The following DLGAP1 variants were observed in gnomAD, a reference collection of about 807,000 sequenced individuals.
DLGAP1 encodes the protein DLG associated protein 1, also known as disks large-associated protein 1.
In DLGAP1, 11 loss-of-function variants were observed where a neutral mutation model predicts 90.8. That is an observed-to-expected ratio of 0.12 (90% CI 0.08 to 0.20). The LOEUF is 0.20. DLGAP1 is among the 10% of genes least tolerant of loss of function. DLGAP1 has a pLI of 1.00. For synonymous variants in DLGAP1, 558 were observed against 540.7 expected (o/e 1.03, Z -0.44); for missense variants, 1,050 against 1,333.8 (o/e 0.79, Z 3.31).
chr18:4,265,675 TCC>T (rs2079113873), intron 1 of DLGAP1, among the ~76,000 whole-genome samples: 3 of 77,806 alleles, frequency 3.9e-5, no homozygotes, highest in Non-Finnish European at 6.3e-5. Context: ...CTTCCTTCCT[TCC>T]TTCCTTCCTT....
intron 5 of DLGAP1, among the ~76,000 whole-genome samples, chr18:3,747,424 C>T (rs543495925): frequency 2.6e-5 from 4 of 152,264 alleles, no homozygotes; most frequent in South Asian, 2.1e-4. Context: ...AAAAGAGAAT[C>T]GTAGCTGGAA....
intron 1 of DLGAP1, among the ~76,000 whole-genome samples, chr18:4,448,763 A>C (rs778453118): frequency 6.6e-6 from 1 of 152,132 alleles, no homozygotes; most frequent in African/African-American, 2.4e-5. Context: ...TAGTATAAAA[A>C]ATTCATGAAA....
intron 1 of DLGAP1, among the ~76,000 whole-genome samples, chr18:4,280,188 G>A (rs1449459011): frequency 2.0e-5 from 3 of 152,206 alleles, no homozygotes; most frequent in Non-Finnish European, 2.9e-5. Context: ...ATGTAAGCAT[G>A]TATAGTCCTG....
chr18:3,560,413 C>T (rs1248664053), intron 9 of DLGAP1, among the ~76,000 whole-genome samples: 54 of 67,264 alleles, frequency 8.0e-4, no homozygotes, highest in South Asian at 1.4e-3. Context: ...AGCGAGACTC[C>T]GTCTCAAAAA....
chr18:3,937,703 G>A (rs1273589754), intron 3 of DLGAP1, among the ~76,000 whole-genome samples: 3 of 152,166 alleles, frequency 2.0e-5, no homozygotes, highest in Non-Finnish European at 4.4e-5. Context: ...CAAAATTTAT[G>A]TAATAAAGCT....
intron 1 of DLGAP1, among the ~76,000 whole-genome samples, chr18:4,418,347 C>G (rs989499035): frequency 6.6e-6 from 1 of 152,078 alleles, no homozygotes; most frequent in Non-Finnish European, 1.5e-5. Flanking sequence ...CAACACACTC[C>G]CAACAGACAA....
At chr18:3,741,205 C>CCAT (rs2062989461) in intron 6 of DLGAP1, among the ~76,000 whole-genome samples, 1 of 114,060 alleles carries the variant, frequency 8.8e-6, no homozygotes, top group African/African-American at 3.5e-5. Context: ...CACCAAATCA[C>CCAT]CACCACCACC....
chr18:4,307,709 CTTTTTTTTT>C (rs34193366), intron 1 of DLGAP1, among the ~76,000 whole-genome samples: 3 of 107,210 alleles, frequency 2.8e-5, no homozygotes, highest in African/African-American at 1.0e-4. Flanking sequence ...TGAGGGTTTA[CTTTTTTTTT>C]TTTTTTTTTT....
intron 1 of DLGAP1, among the ~76,000 whole-genome samples, chr18:4,301,953 A>T (rs2080136382): frequency 6.6e-6 from 1 of 152,100 alleles, no homozygotes; most frequent in Admixed American, 6.5e-5. Context: ...AGAAATGTCT[A>T]TTCAGGTCCC....
intron 1 of DLGAP1, among the ~76,000 whole-genome samples, chr18:4,268,001 C>A (rs2079169095): frequency 6.6e-6 from 1 of 152,148 alleles, no homozygotes; most frequent in Admixed American, 6.5e-5. Context: ...AAATTCCGGA[C>A]AAGATCACAC....
chr18:4,080,813 T>C (rs947933289), intron 2 of DLGAP1, among the ~76,000 whole-genome samples: 2 of 152,140 alleles, frequency 1.3e-5, no homozygotes, highest in African/African-American at 4.8e-5. Flanking sequence ...CAAGGTGATA[T>C]ATAAGCTTCT....
intron 2 of DLGAP1, among the ~76,000 whole-genome samples, chr18:4,133,547 AG>A (rs1305914801): frequency 6.6e-6 from 1 of 152,148 alleles, no homozygotes; most frequent in Non-Finnish European, 1.5e-5. Context: ...ACATGGCCAC[AG>A]GAAGTATTAT....
chr18:3,671,347 C>T (rs2060083712), intron 7 of DLGAP1, among the ~76,000 whole-genome samples: 1 of 152,160 alleles, frequency 6.6e-6, no homozygotes, highest in East Asian at 1.9e-4. Context: ...TATGTATAAA[C>T]ACTACAAGAA....
At chr18:4,367,608 G>A (rs1187297487) in intron 1 of DLGAP1, among the ~76,000 whole-genome samples, 1 of 152,136 alleles carries the variant, frequency 6.6e-6, no homozygotes, top group Non-Finnish European at 1.5e-5. Flanking sequence ...TTAACACTTG[G>A]GGAGGCCGAG....
At chr18:3,936,343 A>C (rs1350838913) in intron 3 of DLGAP1, among the ~76,000 whole-genome samples, 2 of 152,196 alleles carry the variant, frequency 1.3e-5, no homozygotes, top group African/African-American at 4.8e-5. Flanking sequence ...ATTTGCCCCC[A>C]AGTGACACAT....
At chr18:3,924,190 C>T (rs1286806140) in intron 3 of DLGAP1, among the ~76,000 whole-genome samples, 1 of 152,184 alleles carries the variant, frequency 6.6e-6, no homozygotes, top group Non-Finnish European at 1.5e-5. Context: ...TTAGCTACAT[C>T]GCCATAGAAT....
rs79760966 is a variant in DLGAP1, at chr18:4,249,389, A to G, written c.-266-98102T>C. On this transcript the variant is annotated intron_variant, in intron 1 of 12. Coordinates refer to ENST00000315677, the MANE Select transcript of DLGAP1 (RefSeq NM_004746.4). ...AAAAAGAGCAAGAGTGCACCTGGCT[A>G]CACGAGAGTACTAAGGATCCCAGCA... Among the ~76,000 whole-genome samples, 1,173 of 150,828 alleles carry G rather than the reference A, an allele frequency of 7.8e-3. 15 individuals carry two copies. Among genetic ancestry groups the G allele is most frequent in the African/African-American group, 0.027 (1,111 of 41,012 alleles).
chr18:4,105,826 C>A (rs918134659), intron 2 of DLGAP1, among the ~76,000 whole-genome samples: 2 of 151,614 alleles, frequency 1.3e-5, no homozygotes, highest in African/African-American at 2.4e-5. Context: ...GTCAGGAGAT[C>A]GAGACCATCC....
chr18:4,277,371 C>T (rs2079439862), intron 1 of DLGAP1, among the ~76,000 whole-genome samples: 1 of 152,022 alleles, frequency 6.6e-6, no homozygotes, highest in African/African-American at 2.4e-5. Flanking sequence ...TGTGTGTAAG[C>T]TTATTTGCAC....
Sources: gnomAD v4.1 joint callset for allele counts (sites outside exome capture counted in the v4.1 genomes callset) on GRCh38, gnomAD v4.1.1 for gene constraint, MANE v1.5 for transcripts, NCBI Gene and HGNC (gene_info 2026-07-23, HGNC 2026-07-21) for gene names.